NAALADL2: variants seen among roughly 807,000 people sequenced by gnomAD.
The protein encoded by NAALADL2 is inactive N-acetylated-alpha-linked acidic dipeptidase-like protein 2.
A neutral mutation model predicts 87.2 loss-of-function variants in NAALADL2; 76 were observed. The ratio of observed to expected loss-of-function variants is 0.87; its 90% CI spans 0.72 to 1.05. The LOEUF is 1.05. Among genes scored for constraint, NAALADL2 ranks in the 50% least tolerant of loss-of-function variants. The pLI, the probability that NAALADL2 is intolerant of heterozygous loss-of-function variation, is 0.00. For missense variants in NAALADL2, 1,089 were observed against 945.8 expected (o/e 1.15, Z -1.99); for synonymous variants, 354 against 331.0 (o/e 1.07, Z -0.75).
At chr3:175,615,702 AC>A (rs1247665969) in intron 10 of NAALADL2, among the ~76,000 whole-genome samples, 3 of 151,800 alleles carry the variant, frequency 2.0e-5, no homozygotes, top group African/African-American at 4.8e-5. Flanking sequence ...TACTAAAAAC[AC>A]AAAAATCAGC....
chr3:174,811,092 G>A (rs559102023), intron 3 of NAALADL2, among the ~76,000 whole-genome samples: 3 of 152,320 alleles, frequency 2.0e-5, no homozygotes, highest in South Asian at 2.1e-4. Context: ...TGCAGGGGAC[G>A]TATGGAAAAG....
chr3:174,587,395 T>C (rs531426854), intron 2 of NAALADL2, among the ~76,000 whole-genome samples: 1 of 152,312 alleles, frequency 6.6e-6, no homozygotes, highest in African/African-American at 2.4e-5. Flanking sequence ...AATATTGTTA[T>C]GTGTGAATTT....
intron 2 of NAALADL2, among the ~76,000 whole-genome samples, chr3:174,687,689 G>A (rs1221701767): frequency 6.6e-6 from 1 of 152,000 alleles, no homozygotes; most frequent in African/African-American, 2.4e-5. Flanking sequence ...TTTTATTTAT[G>A]TTAATATAAT....
intron 3 of NAALADL2, among the ~76,000 whole-genome samples, chr3:174,831,739 G>A (rs1722718361): frequency 6.6e-6 from 1 of 151,356 alleles, no homozygotes; most frequent in African/African-American, 2.4e-5. Context: ...ATCTGGTCCT[G>A]TACTCTTTTT....
At chr3:174,732,586 A>C (rs1347270581) in intron 2 of NAALADL2, among the ~76,000 whole-genome samples, 1 of 152,172 alleles carries the variant, frequency 6.6e-6, no homozygotes, top group Non-Finnish European at 1.5e-5. Flanking sequence ...GAGGTGGATC[A>C]AAATATTAAG....
At chr3:175,375,313 A>G (rs1387688466) in intron 5 of NAALADL2, among the ~76,000 whole-genome samples, 1 of 152,202 alleles carries the variant, frequency 6.6e-6, no homozygotes, top group Non-Finnish European at 1.5e-5. Flanking sequence ...GTCAATATCT[A>G]TAACATAGCC....
intron 3 of NAALADL2, among the ~76,000 whole-genome samples, chr3:174,832,375 T>C (rs1722825435): frequency 6.6e-6 from 1 of 152,178 alleles, no homozygotes. Flanking sequence ...TACCCAGTAG[T>C]CATTCAGGAG....
At chr3:175,126,158 G>C (rs776881942) in intron 2 of NAALADL2, among the ~76,000 whole-genome samples, 1 of 152,030 alleles carries the variant, frequency 6.6e-6, no homozygotes, top group Non-Finnish European at 1.5e-5. Context: ...ATAGTTTCTG[G>C]GGGGTAGGAA....
chr3:175,760,430 G>T (rs946769483), intron 13 of NAALADL2, among the ~76,000 whole-genome samples: 1 of 152,176 alleles, frequency 6.6e-6, no homozygotes, highest in Non-Finnish European at 1.5e-5. Flanking sequence ...AGACTGCAAT[G>T]CCATAAATGA....
intron 13 of NAALADL2, among the ~76,000 whole-genome samples, chr3:175,763,530 T>C (rs1217414650): frequency 6.6e-6 from 1 of 152,120 alleles, no homozygotes; most frequent in Non-Finnish European, 1.5e-5. Context: ...ATAATTATTG[T>C]CCTCTCTTTT....
chr3:175,192,267 G>T (rs1287011674), intron 2 of NAALADL2, among the ~76,000 whole-genome samples: 2 of 151,980 alleles, frequency 1.3e-5, no homozygotes, highest in Admixed American at 1.3e-4. Flanking sequence ...TTTCAAAGCA[G>T]TGTTTTACTA....
chr3:174,654,328 C>T (rs1405937557), intron 2 of NAALADL2, among the ~76,000 whole-genome samples: 1 of 152,016 alleles, frequency 6.6e-6, no homozygotes, highest in Non-Finnish European at 1.5e-5. Context: ...AAAGCTGTCT[C>T]TTATTTCCTG....
Position 175,753,023 on chromosome 3 carries a change from A to C in NAALADL2, c.1991-2197A>C, listed in dbSNP as rs1746802329. On this transcript the variant is annotated intron_variant, in intron 12 of 13. Coordinates refer to ENST00000454872, the MANE Select transcript of NAALADL2 (RefSeq NM_207015.3). ...TATTTTCATAAAATGGCATTGAGTAAATTATTCAGGAGCTAGATTTTCTAA... is the reference window on the plus strand; with the variant it reads ...TATTTTCATAAAATGGCATTGAGTACATTATTCAGGAGCTAGATTTTCTAA... Among the ~76,000 whole-genome samples the C allele has an allele frequency of 2.6e-5, 4 of 152,154 alleles. No homozygotes were observed. The South Asian group carries it at 8.3e-4, about 32-fold the overall frequency.
chr3:174,617,748 G>A (rs190346168), intron 2 of NAALADL2, among the ~76,000 whole-genome samples: 2 of 151,902 alleles, frequency 1.3e-5, no homozygotes, highest in South Asian at 2.1e-4. Context: ...TTTAGCAGGT[G>A]CAAGATTTAG....
intron 1 of NAALADL2, among the ~76,000 whole-genome samples, chr3:174,498,134 A>G (rs905796890): frequency 5.3e-5 from 8 of 152,234 alleles, no homozygotes; most frequent in African/African-American, 1.4e-4. Context: ...ACCACAATCA[A>G]TATAGTAAAC....
At chr3:175,462,883 A>G (rs768866765) in intron 6 of NAALADL2, among the ~76,000 whole-genome samples, 1 of 152,230 alleles carries the variant, frequency 6.6e-6, no homozygotes. Context: ...GAAAACATGT[A>G]CAGCTTTAAG....
chr3:175,218,964 C>T (rs912991268), intron 2 of NAALADL2, among the ~76,000 whole-genome samples: 5 of 151,804 alleles, frequency 3.3e-5, no homozygotes, highest in African/African-American at 9.7e-5. Context: ...AGCCACCGTG[C>T]CCAGCCATTC....
chr3:174,893,930 T>C (rs1306789147), intron 1 of NAALADL2, among the ~76,000 whole-genome samples: 1 of 152,066 alleles, frequency 6.6e-6, no homozygotes, highest in Non-Finnish European at 1.5e-5. Context: ...ACAGCCCAAA[T>C]GGATTTACAA....
intron 9 of NAALADL2, among the ~76,000 whole-genome samples, chr3:175,564,716 G>T (rs1173764169): frequency 6.6e-6 from 1 of 152,180 alleles, no homozygotes; most frequent in African/African-American, 2.4e-5. Flanking sequence ...AGGTCCTATG[G>T]GAATTGTACC....
Sources: allele counts gnomAD v4.1 joint callset (sites outside exome capture counted in the v4.1 genomes callset), GRCh38; gene constraint gnomAD v4.1.1; transcripts MANE v1.5; gene names NCBI Gene and HGNC (gene_info 2026-07-23, HGNC 2026-07-21).